Variants in ZRANB1 observed in about 807,000 individuals in gnomAD.
ZRANB1 encodes ubiquitin thioesterase ZRANB1.
ZRANB1 carries 16 observed loss-of-function variants against 80.5 expected under a neutral mutation model. The observed-to-expected ratio is 0.20, with a 90% CI of 0.13 to 0.30. ZRANB1 has a LOEUF of 0.30. ZRANB1 is among the 10% of genes least tolerant of loss of function. ZRANB1 has a pLI of 1.00. For missense variants in ZRANB1, 576 were observed against 862.6 expected, an observed-to-expected ratio of 0.67 and a Z score of 4.16; for synonymous variants, 291 against 293.1, an observed-to-expected ratio of 0.99 and a Z score of 0.07.
At position 124,983,696 on chromosome 10, in the gene ZRANB1, GTT is replaced by G. The variant is rs761370732; in HGVS notation, c.1908+10_1908+11del. The G allele has an allele frequency of 4.5e-6, 7 of 1,561,762 alleles. No homozygotes were observed. The highest frequency in any genetic ancestry group is 6.1e-6 in the Non-Finnish European group (7 of 1,150,110). ...TTCCTTTCTGCTCAGGAGGTAAGCA[GTT>G]TCTCCTATGAACTATTTCTAGTAGT... On this transcript the variant is annotated intron_variant, in intron 8 of 8. Transcript: ENST00000359653. The surrounding 1 kb of genome is among the most constrained non-coding windows in gnomAD (Gnocchi z 6.2).
At position 124,987,931 on chromosome 10, in the gene ZRANB1, C is replaced by CT. The variant is rs1952104185; in HGVS notation, c.*2941dup. ...TTAACTCATGGGACTATTTGCAACA[C>CT]TTCTTTGTAAATATCATTTTGTTTG... On this transcript the variant is annotated 3_prime_UTR_variant, in exon 9 of 9. Coordinates refer to ENST00000359653, the MANE Select transcript of ZRANB1 (RefSeq NM_017580.3). 1 of 152,164 alleles carries CT rather than the reference C, an allele frequency of 6.6e-6. No homozygotes were observed. The highest frequency in any genetic ancestry group is 2.1e-4 in the South Asian group (1 of 4,836). 9.4% of individuals were successfully genotyped at this position (152,164 alleles called of 1,614,324 possible). A position where few individuals can be genotyped will look rare whatever the true frequency, so the allele number is the denominator to read the frequency against.
At chr10:124,927,523 C>G in the ZRANB1 span, among the ~76,000 whole-genome samples, 1 of 152,138 alleles carries the variant, frequency 6.6e-6, no homozygotes, top group African/African-American at 2.4e-5. Flanking sequence ...TAAACGGGAA[C>G]TAGTTCAGTT....
intron 3 of ZRANB1, among the ~76,000 whole-genome samples, chr10:124,973,049 A>G (rs1951840296): frequency 6.6e-6 from 1 of 152,190 alleles, no homozygotes; most frequent in Admixed American, 6.5e-5. Flanking sequence ...AAATTGTAGG[A>G]GATAGTAACT....
chr10:124,918,437 G>A, the ZRANB1 span, among the ~76,000 whole-genome samples: 1 of 152,320 alleles, frequency 6.6e-6, no homozygotes, highest in South Asian at 2.1e-4. Context: ...TGATCTGCCC[G>A]CCTCGGCCTT....
chr10:124,932,488 A>G, the ZRANB1 span, among the ~76,000 whole-genome samples: 52 of 151,610 alleles, frequency 3.4e-4, no homozygotes, highest in African/African-American at 1.2e-3. Context: ...ATGGGGTTTT[A>G]CCATGTTGGC....
chr10:124,917,173 G>C, the ZRANB1 span: 1 of 171,492 alleles, frequency 5.8e-6, no homozygotes, highest in Non-Finnish European at 1.2e-5. Context: ...TGCGCGGGGA[G>C]TCGCCGCTGC....
intron 5 of ZRANB1, among the ~76,000 whole-genome samples, chr10:124,974,720 G>A (rs558123425): frequency 3.3e-5 from 5 of 152,204 alleles, no homozygotes; most frequent in Non-Finnish European, 7.3e-5. Flanking sequence ...TTCAAATGCA[G>A]CATTTCAAGT....
intron 1 of ZRANB1, among the ~76,000 whole-genome samples, chr10:124,954,925 C>T (rs978967887): frequency 5.3e-5 from 8 of 150,688 alleles, no homozygotes; most frequent in African/African-American, 1.9e-4. Context: ...GTCAGGAGAT[C>T]GAGACCATCC....
At chr10:124,935,612 G>C in the ZRANB1 span, among the ~76,000 whole-genome samples, 1 of 152,260 alleles carries the variant, frequency 6.6e-6, no homozygotes, top group Non-Finnish European at 1.5e-5. Context: ...TTGACACCTA[G>C]TTTATATCTA....
the ZRANB1 span, among the ~76,000 whole-genome samples, chr10:124,925,292 T>C: frequency 1.6e-4 from 24 of 152,312 alleles, no homozygotes; most frequent in African/African-American, 5.8e-4. Flanking sequence ...TTTTTTTAAA[T>C]TGTCATTCTA....
the ZRANB1 span, among the ~76,000 whole-genome samples, chr10:124,933,574 T>A: frequency 6.6e-6 from 1 of 152,238 alleles, no homozygotes; most frequent in Non-Finnish European, 1.5e-5. Context: ...AAAACTGTGG[T>A]CTTTCATCCA....
chr10:124,946,226 C>G (rs1951580978), intron 1 of ZRANB1: 2 of 152,214 alleles, frequency 1.3e-5, no homozygotes, highest in South Asian at 4.2e-4. Flanking sequence ...CGAGACCAGC[C>G]TGACCAACAT....
At chr10:124,925,374 C>G in the ZRANB1 span, among the ~76,000 whole-genome samples, 1 of 152,036 alleles carries the variant, frequency 6.6e-6, no homozygotes, top group African/African-American at 2.4e-5. Flanking sequence ...TCATGTGCTT[C>G]TTGGCCATTT....
intron 5 of ZRANB1, among the ~76,000 whole-genome samples, chr10:124,974,849 G>A (rs562404433): frequency 1.2e-4 from 18 of 152,278 alleles, no homozygotes; most frequent in African/African-American, 4.3e-4. Flanking sequence ...CTGTGCTGGA[G>A]TGCAGTGGTG....
chr10:124,973,269 G>A (rs1447399844), intron 3 of ZRANB1, among the ~76,000 whole-genome samples: 4 of 152,116 alleles, frequency 2.6e-5, no homozygotes, highest in South Asian at 2.1e-4. Flanking sequence ...TTCTCTCACC[G>A]TAGCCTCCTG....
chr10:124,960,382 G>T (rs958690080), intron 1 of ZRANB1, among the ~76,000 whole-genome samples: 1 of 152,118 alleles, frequency 6.6e-6, no homozygotes, highest in Non-Finnish European at 1.5e-5. Context: ...ACAGTATAAA[G>T]TTATAATAAA....
At chr10:124,978,777 C>T (rs1475541464) in intron 5 of ZRANB1, among the ~76,000 whole-genome samples, 1 of 149,042 alleles carries the variant, frequency 6.7e-6, no homozygotes, top group Non-Finnish European at 1.5e-5. Context: ...CAGGCACATG[C>T]CAACATTCCC....
chr10:124,918,022 C>G, the ZRANB1 span, among the ~76,000 whole-genome samples: 161 of 152,266 alleles, frequency 1.1e-3, 4 homozygotes, highest in East Asian at 0.022. Context: ...TTGAAACTCT[C>G]TTGCTGAGGA....
chr10:124,982,025 G>T (rs1283121213), intron 6 of ZRANB1, among the ~76,000 whole-genome samples, 196 bp downstream of exon 6: 1 of 150,016 alleles, frequency 6.7e-6, no homozygotes, highest in Non-Finnish European at 1.5e-5. Context: ...GATGAGCATC[G>T]CAAGTATAGA....
Sources: allele counts gnomAD v4.1 joint callset (sites outside exome capture counted in the v4.1 genomes callset), GRCh38; gene constraint gnomAD v4.1.1; non-coding constraint Gnocchi (gnomAD v3.1); transcripts MANE v1.5; gene names NCBI Gene and HGNC (gene_info 2026-07-23, HGNC 2026-07-21).